The following SEMA3A variants were observed in gnomAD, a reference collection of about 807,000 sequenced individuals.
SEMA3A encodes semaphorin 3A.
A neutral mutation model predicts 97.9 loss-of-function variants in SEMA3A; 29 were observed. The ratio of observed to expected loss-of-function variants is 0.30; its 90% CI spans 0.22 to 0.40. The LOEUF (loss-of-function observed/expected upper bound fraction) is 0.40. Among genes scored for constraint, SEMA3A ranks in the 10% least tolerant of loss-of-function variants. The probability of loss-of-function intolerance (pLI) is 1.00; values close to 1 mark genes in which losing one functional copy is unlikely to be tolerated. For synonymous variants in SEMA3A, 321 were observed against 323.7 expected (o/e 0.99, Z 0.09); for missense variants, 763 against 951.3 (o/e 0.80, Z 2.60).
intron 2 of SEMA3A, among the ~76,000 whole-genome samples, chr7:84,348,931 C>G (rs1802372286): frequency 6.6e-6 from 1 of 152,072 alleles, no homozygotes; most frequent in Non-Finnish European, 1.5e-5. Context: ...TTGAAGTAAG[C>G]CAACACTGCC....
At chr7:84,228,033 T>G (rs1033615529) in intron 3 of SEMA3A, among the ~76,000 whole-genome samples, 2 of 152,030 alleles carry the variant, frequency 1.3e-5, no homozygotes, top group Non-Finnish European at 2.9e-5. Context: ...TTTAATACTT[T>G]CATAAATTCT....
intron 1 of SEMA3A, among the ~76,000 whole-genome samples, chr7:84,376,360 T>C (rs1381721521): frequency 6.8e-6 from 1 of 147,820 alleles, no homozygotes; most frequent in African/African-American, 2.5e-5. Context: ...CCCAGCACTT[T>C]GGGAGGCCAA....
At chr7:84,355,352 G>A (rs980927915) in intron 2 of SEMA3A, among the ~76,000 whole-genome samples, 2 of 151,880 alleles carry the variant, frequency 1.3e-5, no homozygotes, top group South Asian at 2.1e-4. Context: ...CTGTGATTTT[G>A]TATTACTTAC....
intron 5 of SEMA3A, among the ~76,000 whole-genome samples, chr7:84,054,948 T>C (rs980045880): frequency 2.2e-4 from 34 of 152,106 alleles, no homozygotes; most frequent in Non-Finnish European, 3.5e-4. Flanking sequence ...TGCAGGTCTG[T>C]TGGAGTACCC....
chr7:84,048,042 C>G (rs965539414), intron 5 of SEMA3A, among the ~76,000 whole-genome samples: 44 of 151,994 alleles, frequency 2.9e-4, no homozygotes, highest in South Asian at 6.2e-4. Context: ...TGAATCTTAT[C>G]TTGAAAACTG....
chr7:84,144,632 A>T (rs971484260), intron 1 of SEMA3A, among the ~76,000 whole-genome samples: 1 of 152,148 alleles, frequency 6.6e-6, no homozygotes, highest in Non-Finnish European at 1.5e-5. Context: ...AAACAGCATT[A>T]TTTGCCCCCA....
At chr7:84,056,093 C>T (rs1406385455) in intron 5 of SEMA3A, among the ~76,000 whole-genome samples, 1 of 151,840 alleles carries the variant, frequency 6.6e-6, no homozygotes, top group Non-Finnish European at 1.5e-5. Flanking sequence ...CAAATTTGTG[C>T]TGACATATGT....
At chr7:84,113,244 A>G (rs1795327008) in intron 3 of SEMA3A, among the ~76,000 whole-genome samples, 1 of 152,222 alleles carries the variant, frequency 6.6e-6, no homozygotes, top group Non-Finnish European at 1.5e-5. Context: ...CTGGACAGAG[A>G]AGAAGCAAAA....
At chr7:84,320,484 C>T (rs1410446514) in intron 2 of SEMA3A, among the ~76,000 whole-genome samples, 1 of 151,960 alleles carries the variant, frequency 6.6e-6, no homozygotes, top group Non-Finnish European at 1.5e-5. Flanking sequence ...CTTTATATTG[C>T]TAGCATCAAC....
chr7:84,125,588 T>A (rs977639682), intron 3 of SEMA3A, among the ~76,000 whole-genome samples: 55 of 152,164 alleles, frequency 3.6e-4, no homozygotes, highest in African/African-American at 1.3e-3. Context: ...CATGATTAAG[T>A]GATTAAATTA....
intron 6 of SEMA3A, among the ~76,000 whole-genome samples, chr7:84,039,040 G>C (rs1792040169): frequency 6.6e-6 from 1 of 152,086 alleles, no homozygotes; most frequent in Non-Finnish European, 1.5e-5. Context: ...AGGAAGACAA[G>C]CATAAATTCC....
chr7:84,157,881 T>C (rs906873211), intron 1 of SEMA3A, among the ~76,000 whole-genome samples: 2 of 152,152 alleles, frequency 1.3e-5, no homozygotes, highest in Non-Finnish European at 2.9e-5. Flanking sequence ...ATAGGTCATA[T>C]CATACAATTC....
At chr7:84,015,613 A>C (rs1791066658) in intron 6 of SEMA3A, among the ~76,000 whole-genome samples, 1 of 152,352 alleles carries the variant, frequency 6.6e-6, no homozygotes, top group East Asian at 1.9e-4. Flanking sequence ...TATCCAGGTA[A>C]CAATGAAATA....
At chr7:84,138,113 T>A (rs1796198690) in intron 1 of SEMA3A, among the ~76,000 whole-genome samples, 1 of 152,180 alleles carries the variant, frequency 6.6e-6, no homozygotes, top group African/African-American at 2.4e-5. Flanking sequence ...CTCAATTAAA[T>A]ATTTCCTGTT....
chr7:84,334,445 A>G (rs1801986601), intron 2 of SEMA3A, among the ~76,000 whole-genome samples: 1 of 152,166 alleles, frequency 6.6e-6, no homozygotes, highest in Admixed American at 6.6e-5. Flanking sequence ...ATGTATAATT[A>G]CATAAATAAG....
chr7:84,165,497 A>C (rs1479603440), intron 1 of SEMA3A, among the ~76,000 whole-genome samples: 1 of 152,130 alleles, frequency 6.6e-6, no homozygotes, highest in Non-Finnish European at 1.5e-5. Context: ...GTGAAAAAAA[A>C]AATATTACAT....
chr7:84,473,467 T>G (rs1410407276), intron 1 of SEMA3A, among the ~76,000 whole-genome samples: 1 of 151,568 alleles, frequency 6.6e-6, no homozygotes, highest in Non-Finnish European at 1.5e-5. Context: ...CATTCTCGGC[T>G]CATTGCAACT....
chr7:84,400,968 G>C (rs1216198375), intron 1 of SEMA3A, among the ~76,000 whole-genome samples: 1 of 152,108 alleles, frequency 6.6e-6, no homozygotes, highest in Non-Finnish European at 1.5e-5. Flanking sequence ...AACAAGAAAA[G>C]GTTTCCTACT....
chr7:84,114,678 C>A (rs1194704268), intron 3 of SEMA3A, among the ~76,000 whole-genome samples: 2 of 152,094 alleles, frequency 1.3e-5, no homozygotes, highest in East Asian at 1.9e-4. Context: ...AATCTTCGTG[C>A]CAAAGCAGTA....
Sources: gnomAD v4.1 joint callset for allele counts (sites outside exome capture counted in the v4.1 genomes callset) on GRCh38, gnomAD v4.1.1 for gene constraint, MANE v1.5 for transcripts, NCBI Gene and HGNC (gene_info 2026-07-23, HGNC 2026-07-21) for gene names.